ARIH1: variants seen among roughly 807,000 people sequenced by gnomAD.
ARIH1 encodes the protein E3 ubiquitin-protein ligase ARIH1.
A neutral mutation model predicts 85.0 loss-of-function variants in ARIH1; 8 were observed. That is an observed-to-expected ratio of 0.09 (90% CI 0.06 to 0.17). The LOEUF is 0.17. ARIH1 is among the 10% of genes least tolerant of loss of function. The pLI is 1.00. For synonymous variants in ARIH1, 238 were observed against 253.6 expected (o/e 0.94, Z 0.59); for missense variants, 311 against 718.1 (o/e 0.43, Z 6.48).
chr15:72,566,358 A>G, intron 7 of ARIH1: 1 of 543,544 alleles, frequency 1.8e-6, no homozygotes, highest in South Asian at 2.7e-5. Flanking sequence ...TTCTTCACAC[A>G]TATTGAGTAC....
chr15:72,474,832 G>A lies in ARIH1; in HGVS notation c.193G>A (p.Glu65Lys). ...GGERDGLLCG[E>K]TGGGGGSALG... is the part of the protein sequence containing the mutation. ...GGAGCGGGACGGACTGCTGTGCGGG[G>A]AGACGGGCGGTGGCGGCGGCAGCGC... Residue 65 changes from glutamate to lysine, a missense_variant, in exon 1 of 14, where the codon GAG becomes AAG. Transcript: ENST00000379887. 1 of 1,401,080 alleles carries A rather than the reference G, an allele frequency of 7.1e-7. No individual in the cohort carries two copies. Among genetic ancestry groups the A allele is most frequent in the East Asian group, 2.8e-5 (1 of 36,176 alleles). The allele number at this position is 1,401,080 out of a possible 1,614,324, so 86.8% of individuals were successfully genotyped here.
At chr15:72,553,882 A>T (rs1052960226) in intron 3 of ARIH1, among the ~76,000 whole-genome samples, 2 of 152,072 alleles carry the variant, frequency 1.3e-5, no homozygotes, top group African/African-American at 4.8e-5. Flanking sequence ...GTGCCATTGC[A>T]CTCCAGCCTA....
intron 2 of ARIH1, among the ~76,000 whole-genome samples, chr15:72,533,239 C>T (rs992208393): frequency 3.3e-5 from 5 of 152,138 alleles, no homozygotes; most frequent in Admixed American, 6.5e-5. Context: ...AAGCAATTCT[C>T]CTGTCTCAGC....
At chr15:72,570,705 TTTAC>T (rs2064240001) in intron 10 of ARIH1, among the ~76,000 whole-genome samples, 1 of 152,208 alleles carries the variant, frequency 6.6e-6, no homozygotes, top group African/African-American at 2.4e-5. Flanking sequence ...TGCAGGTGGT[TTTAC>T]TCTGCATATC....
chr15:72,557,488 T>A (rs1210058235), intron 5 of ARIH1, among the ~76,000 whole-genome samples: 2 of 152,144 alleles, frequency 1.3e-5, no homozygotes, highest in African/African-American at 4.8e-5. Flanking sequence ...TTTTCTCTCA[T>A]TCTGTAGGTT....
rs1342001879 is a variant in ARIH1 at position 72,588,072 on chromosome 15, A to G, written c.*4780A>G. The G allele has an allele frequency of 6.6e-6, 1 of 152,188 alleles. No homozygotes were observed. Among genetic ancestry groups the G allele is most frequent in the East Asian group, 1.9e-4 (1 of 5,194 alleles). 9.4% of individuals were successfully genotyped at this position (152,188 alleles called of 1,614,324 possible). On this transcript the variant is annotated 3_prime_UTR_variant, in exon 14 of 14. Coordinates refer to ENST00000379887, the MANE Select transcript of ARIH1 (RefSeq NM_005744.5). ...TATGTAGCAGCTCTATCAATACCACAACAACCTTATTACCATAGTAATTCA... is the reference window on the plus strand; with the variant it reads ...TATGTAGCAGCTCTATCAATACCACGACAACCTTATTACCATAGTAATTCA...
chr15:72,563,269 G>A, intron 6 of ARIH1, 125 bp from the exon 7 acceptor site: 1 of 690,314 alleles, frequency 1.4e-6, no homozygotes, highest in Non-Finnish European at 2.5e-6. Context: ...ATGTTGCCCG[G>A]GCTGGTCTGG....
At chr15:72,580,409 T>G (rs1386926796) in intron 11 of ARIH1, 2 of 265,786 alleles carry the variant, frequency 7.5e-6, no homozygotes, top group African/African-American at 4.4e-5. Flanking sequence ...CAGAGATACC[T>G]TTGACATACT....
At chr15:72,580,062 CACCA>C (rs1286629648) in intron 11 of ARIH1, among the ~76,000 whole-genome samples, 1 of 152,160 alleles carries the variant, frequency 6.6e-6, no homozygotes, top group East Asian at 1.9e-4. Flanking sequence ...ACTCTTTGGT[CACCA>C]ACTCCCCATT....
chr15:72,550,487 T>G lies in ARIH1; in HGVS notation c.589-4784T>G, dbSNP rs144219532. On this transcript the variant is annotated intron_variant, in intron 3 of 13. Transcript: ENST00000379887. The stretch of plus-strand genomic sequence containing the variant: ...TGATATATTTACTGTATTTGTGTCT[T>G]TTACAGAATACCCCTTCCTTTAACA... Among the ~76,000 whole-genome samples the G allele has an allele frequency of 8.1e-3, 1,234 of 152,300 alleles. 13 individuals carry two copies. Among genetic ancestry groups the G allele is most frequent in the Middle Eastern group, 0.031 (9 of 294 alleles).
rs1271705093 is a variant in ARIH1, at chr15:72,587,391, G to C, written c.*4099G>C. The C allele has an allele frequency of 2.7e-6, 1 of 370,666 alleles. No individual in the cohort carries two copies. Among genetic ancestry groups the C allele is most frequent in the African/African-American group, 2.2e-5 (1 of 46,396 alleles). The allele number at this position is 370,666 out of a possible 1,614,324, so 23.0% of individuals were successfully genotyped here. A position where few individuals can be genotyped will look rare whatever the true frequency, so the allele number is the denominator to read the frequency against. Reference sequence around the variant, plus strand: ...TTAGAGGTTGCTCTATACTATCTCTGATCTTTCATTTGTTGCAGTTTGCAA... The same window carrying C: ...TTAGAGGTTGCTCTATACTATCTCTCATCTTTCATTTGTTGCAGTTTGCAA... On this transcript the variant is annotated 3_prime_UTR_variant, in exon 14 of 14. Transcript: ENST00000379887.
chr15:72,521,794 C>T (rs900429316), intron 2 of ARIH1, among the ~76,000 whole-genome samples: 1 of 152,126 alleles, frequency 6.6e-6, no homozygotes, highest in Non-Finnish European at 1.5e-5. Flanking sequence ...GGTGATCTTC[C>T]CCTCTCTACC....
chr15:72,478,839 A>G (rs1236202291), intron 1 of ARIH1, among the ~76,000 whole-genome samples: 1 of 152,200 alleles, frequency 6.6e-6, no homozygotes, highest in Non-Finnish European at 1.5e-5. Flanking sequence ...ATACCTAATC[A>G]AAAAATCAGA....
In ARIH1 at chr15:72,544,862, T is replaced by C. The variant is rs749780125; in HGVS notation, c.486T>C (p.His162=). The change falls in exon 3 of 14, where the codon CAT becomes CAC. Residue 162 remains histidine, a synonymous_variant. Transcript: ENST00000379887. ...TGGAGAAGCTCTTTGCTGAGTGTCATGTAATTAATCCAAGTAAAAAGTCTC... is the reference window on the plus strand; with the variant it reads ...TGGAGAAGCTCTTTGCTGAGTGTCACGTAATTAATCCAAGTAAAAAGTCTC... ...GNLEKLFAEC[H]VINPSKKSRT... is the part of the protein sequence containing the mutation. 19 of 1,613,496 alleles carry C rather than the reference T, an allele frequency of 1.2e-5. No individual in the cohort carries two copies. Among genetic ancestry groups the C allele is most frequent in the Non-Finnish European group, 8.5e-6 (10 of 1,179,588 alleles).
intron 1 of ARIH1, chr15:72,475,217 C>A: frequency 1.7e-6 from 2 of 1,191,466 alleles, no homozygotes; most frequent in Non-Finnish European, 2.2e-6. Flanking sequence ...GGGAGGTGCG[C>A]TGGGGGCGGT....
chr15:72,492,776 A>G (rs1425557480), intron 1 of ARIH1, among the ~76,000 whole-genome samples: 1 of 152,214 alleles, frequency 6.6e-6, no homozygotes, highest in Non-Finnish European at 1.5e-5. Flanking sequence ...CTTGATTATA[A>G]TGTTGCATTC....
chr15:72,476,849 C>T (rs906635965), intron 1 of ARIH1, among the ~76,000 whole-genome samples: 1 of 152,164 alleles, frequency 6.6e-6, no homozygotes, highest in Non-Finnish European at 1.5e-5. Context: ...TTTGTGTTTT[C>T]AGTGGAAAAA....
rs2064298197 is a variant in ARIH1, at chr15:72,582,313, A to G, written c.1589+126A>G. Reference sequence around the variant, plus strand: ...TGAGCTTTTGCCATGTTTCTCACAGATTGCTTCTGTCCGTTGGGCACTAAA... The same window carrying G: ...TGAGCTTTTGCCATGTTTCTCACAGGTTGCTTCTGTCCGTTGGGCACTAAA... On this transcript the variant is annotated intron_variant, in intron 13 of 13. Coordinates refer to ENST00000379887, the MANE Select transcript of ARIH1 (RefSeq NM_005744.5). The surrounding 1 kb of genome is among the most constrained non-coding windows in gnomAD (Gnocchi z 4.6). 3.1e-6 allele frequency: 2 copies of G among 642,874 alleles called. No individual in the cohort carries two copies. The highest frequency in any genetic ancestry group is 3.7e-4 in the Middle Eastern group (1 of 2,718). The allele number at this position is 642,874 out of a possible 1,614,324, so 39.8% of individuals were successfully genotyped here. A position where few individuals can be genotyped will look rare whatever the true frequency, so the allele number is the denominator to read the frequency against.
At chr15:72,545,030 A>G (rs2064122884) in intron 3 of ARIH1, 66 bp downstream of exon 3, 1 of 1,408,016 alleles carries the variant, frequency 7.1e-7, no homozygotes, top group Non-Finnish European at 9.4e-7. Context: ...AACTTCCATT[A>G]TTTAAACAAA....
Sources: gnomAD v4.1 joint callset for allele counts (sites outside exome capture counted in the v4.1 genomes callset) on GRCh38, gnomAD v4.1.1 for gene constraint, Gnocchi (gnomAD v3.1) non-coding constraint, MANE v1.5 for transcripts, NCBI Gene and HGNC (gene_info 2026-07-23, HGNC 2026-07-21) for gene names.